Variants in UBE3D observed in about 807,000 individuals in gnomAD.
UBE3D encodes the protein E3 ubiquitin-protein ligase E3D.
In UBE3D, 48 loss-of-function variants were observed where a neutral mutation model predicts 49.6. The observed-to-expected ratio is 0.97, with a 90% CI of 0.77 to 1.23. The LOEUF (loss-of-function observed/expected upper bound fraction) is 1.23, where lower values mean the gene tolerates loss of function less well. Ranked by LOEUF, UBE3D falls within the 50% of genes most tolerant of loss-of-function variation. The pLI, the probability that UBE3D is intolerant of heterozygous loss-of-function variation, is 0.00. For synonymous variants in UBE3D, 189 were observed against 174.2 expected, an observed-to-expected ratio of 1.08 and a Z score of -0.67; for missense variants, 452 against 468.4, an observed-to-expected ratio of 0.96 and a Z score of 0.32.
chr6:82,972,739 GAAGTTATATAA>G (rs1777443342), intron 8 of UBE3D, among the ~76,000 whole-genome samples: 2 of 152,086 alleles, frequency 1.3e-5, no homozygotes. Flanking sequence ...ATAATTTCAA[GAAGTTATATAA>G]ATAAAATGAT....
chr6:82,897,790 G>A (rs762100586), intron 9 of UBE3D, among the ~76,000 whole-genome samples: 68 of 152,100 alleles, frequency 4.5e-4, no homozygotes, highest in African/African-American at 5.8e-4. Context: ...CTAATTTGGC[G>A]TTAATTGCGA....
intron 9 of UBE3D, among the ~76,000 whole-genome samples, chr6:82,946,639 A>G (rs1248718033): frequency 3.3e-5 from 5 of 152,180 alleles, no homozygotes; most frequent in African/African-American, 9.6e-5. Context: ...TGTGGTATGT[A>G]AACTACTCTT....
chr6:83,027,457 A>AAAAAAAAAAAAAAAAAAAAAC, intron 5 of UBE3D, among the ~76,000 whole-genome samples: 6 of 148,328 alleles, frequency 4.0e-5, no homozygotes, highest in African/African-American at 7.4e-5. Flanking sequence ...AAAAAAAAAA[A>AAAAAAAAAAAAAAAAAAAAAC]AAAAGAAACC....
intron 9 of UBE3D, among the ~76,000 whole-genome samples, chr6:82,911,462 T>C (rs768521683): frequency 2.0e-5 from 3 of 152,190 alleles, no homozygotes; most frequent in Non-Finnish European, 2.9e-5. Context: ...TTTTGTTGTT[T>C]TTCTAATTAC....
intron 8 of UBE3D, among the ~76,000 whole-genome samples, chr6:82,994,515 AT>A (rs1440501245): frequency 6.6e-6 from 1 of 152,162 alleles, no homozygotes; most frequent in Non-Finnish European, 1.5e-5. Context: ...GGAGATAAGG[AT>A]TTGGGACAGG....
rs76541922 is a variant in UBE3D, at chr6:82,939,955, G to A, written c.1149+17357C>T. On this transcript the variant is annotated intron_variant, in intron 9 of 9. Transcript: ENST00000369747. ...CTAAGTCCCATCAGACCTCCCCTACGAAGTGCTACAGAAAGCACAGAAACT... is the reference window on the plus strand; with the variant it reads ...CTAAGTCCCATCAGACCTCCCCTACAAAGTGCTACAGAAAGCACAGAAACT... 1.4e-4 allele frequency among the ~76,000 whole-genome samples: 21 copies of A among 152,188 alleles called. No homozygotes were observed. The East Asian group carries it at 3.9e-3, about 28-fold the overall frequency.
downstream of UBE3D, among the ~76,000 whole-genome samples, chr6:82,888,220 G>A (rs1177632996): frequency 6.6e-6 from 1 of 151,698 alleles, no homozygotes; most frequent in Non-Finnish European, 1.5e-5. Flanking sequence ...TTTAGGAAGA[G>A]TTCAGCCAGA....
chr6:83,011,092 A>G (rs1370682145), intron 8 of UBE3D, among the ~76,000 whole-genome samples: 3 of 152,196 alleles, frequency 2.0e-5, no homozygotes, highest in African/African-American at 7.2e-5. Flanking sequence ...TCCTTCATAC[A>G]ACGGAAATGC....
chr6:82,999,116 C>T (rs1053600788), intron 8 of UBE3D, among the ~76,000 whole-genome samples: 1 of 152,282 alleles, frequency 6.6e-6, no homozygotes, highest in South Asian at 2.1e-4. Flanking sequence ...TGTGCCTCCT[C>T]CCTCTTTACT....
In UBE3D at chr6:83,020,341, G is replaced by GTTT. The variant is rs11341564; in HGVS notation, c.847-1208_847-1206dup. 5.0e-3 allele frequency among the ~76,000 whole-genome samples: 704 copies of GTTT among 141,308 alleles called. 5 individuals are homozygous for GTTT. Among genetic ancestry groups the GTTT allele is most frequent in the African/African-American group, 0.017 (665 of 38,590 alleles). 92.7% of individuals were successfully genotyped at this position (141,308 alleles called of 152,430 possible). On this transcript the variant is annotated intron_variant, in intron 7 of 9. Coordinates refer to ENST00000369747, the MANE Select transcript of UBE3D (RefSeq NM_198920.3). ...AGAAAAACGCTAATCATGTGATACT[G>GTTT]TTTTTTTTTTTTTTTTTACAAATAG...
intron 9 of UBE3D, among the ~76,000 whole-genome samples, chr6:82,918,972 G>C (rs950046300): frequency 1.3e-5 from 2 of 152,118 alleles, no homozygotes; most frequent in Non-Finnish European, 2.9e-5. Flanking sequence ...CTCTTCCCTG[G>C]TAATGCTCAT....
At position 83,065,801 on chromosome 6, in the gene UBE3D, G is replaced by T. The variant is rs890843704; in HGVS notation, c.-83C>A. ...CAGGACCAGGAGAGGTTCCACGTGC[G>T]GACCAACCAGCGGCAGCCCCGCTGC... is the stretch of plus-strand genomic sequence containing the variant. On this transcript the variant is annotated 5_prime_UTR_variant, in exon 1 of 10. Transcript: ENST00000369747. The T allele has an allele frequency of 2.9e-6, 4 of 1,389,976 alleles. No individual in the cohort carries two copies. In the African/African-American group the frequency reaches 4.3e-5, roughly 15 times the overall value. The allele number at this position is 1,389,976 out of a possible 1,614,324, so 86.1% of individuals were successfully genotyped here.
chr6:82,966,534 C>T, intron 8 of UBE3D, among the ~76,000 whole-genome samples: 1 of 117,320 alleles, frequency 8.5e-6, no homozygotes, highest in East Asian at 2.2e-4. Flanking sequence ...CCTGTAGTCC[C>T]AGCTACTCGG....
chr6:82,946,944 C>A (rs1158661256), intron 9 of UBE3D, among the ~76,000 whole-genome samples: 1 of 149,280 alleles, frequency 6.7e-6, no homozygotes, highest in African/African-American at 2.5e-5. Flanking sequence ...TTAAATCATA[C>A]CACCAGAGGA....
At chr6:83,063,244 C>T (rs1784281980) in intron 1 of UBE3D, 1 of 240,620 alleles carries the variant, frequency 4.2e-6, no homozygotes, top group Admixed American at 5.3e-5. Context: ...GAAACCCTAT[C>T]TCTACAAAAA....
At chr6:82,882,515 T>A in the UBE3D span, among the ~76,000 whole-genome samples, 2 of 152,200 alleles carry the variant, frequency 1.3e-5, no homozygotes, top group Non-Finnish European at 2.9e-5. Context: ...CTTCCACCTA[T>A]GCTTTGTTTT....
intron 8 of UBE3D, among the ~76,000 whole-genome samples, chr6:82,974,876 T>C (rs1269160076): frequency 6.6e-6 from 1 of 152,064 alleles, no homozygotes; most frequent in African/African-American, 2.4e-5. Flanking sequence ...TAATGAGAAA[T>C]ATTTATGAAT....
At chr6:82,932,641 TGAG>T (rs1774249079) in intron 9 of UBE3D, 1 of 152,208 alleles carries the variant, frequency 6.6e-6, no homozygotes, top group Non-Finnish European at 1.5e-5. Context: ...GGAAGAAGTG[TGAG>T]GAACTGAACA....
chr6:82,996,406 T>A lies in UBE3D; in HGVS notation c.1010+22567A>T, dbSNP rs186498387. On this transcript the variant is annotated intron_variant, in intron 8 of 9. Transcript: ENST00000369747. ...AAATTATAAAATAAATATACATGAGTCCTTAAAATATAATTGAATGAACAA... is the reference window on the plus strand; with the variant it reads ...AAATTATAAAATAAATATACATGAGACCTTAAAATATAATTGAATGAACAA... Among the ~76,000 whole-genome samples, 3 of 151,916 alleles carry A rather than the reference T, an allele frequency of 2.0e-5. No homozygotes were observed. In the East Asian group the frequency reaches 5.8e-4, roughly 29 times the overall value.
Sources: gnomAD v4.1 joint callset for allele counts (sites outside exome capture counted in the v4.1 genomes callset) on GRCh38, gnomAD v4.1.1 for gene constraint, MANE v1.5 for transcripts, NCBI Gene and HGNC (gene_info 2026-07-23, HGNC 2026-07-21) for gene names.